CDKAL1: variants seen among roughly 807,000 people sequenced by gnomAD.
The protein encoded by CDKAL1 is CDKAL1 threonylcarbamoyladenosine tRNA methylthiotransferase, also known as threonylcarbamoyladenosine tRNA methylthiotransferase.
A neutral mutation model predicts 68.2 loss-of-function variants in CDKAL1; 32 were observed. The observed-to-expected ratio is 0.47, with a 90% confidence interval of 0.35 to 0.63. CDKAL1 has a LOEUF of 0.63. CDKAL1 is among the 30% of genes least tolerant of loss of function. The pLI is 0.00. For missense variants in CDKAL1, 606 were observed against 696.7 expected, an observed-to-expected ratio of 0.87 and a Z score of 1.47; for synonymous variants, 234 against 244.3, an observed-to-expected ratio of 0.96 and a Z score of 0.39.
chr6:21,051,592 T>A (rs1561990811), intron 11 of CDKAL1, among the ~76,000 whole-genome samples: 2 of 152,166 alleles, frequency 1.3e-5, no homozygotes, highest in Non-Finnish European at 2.9e-5. Flanking sequence ...ATTTTCCCCC[T>A]TTCTCATGAA....
chr6:20,598,630 C>T (rs547954404), intron 4 of CDKAL1, among the ~76,000 whole-genome samples: 115 of 152,100 alleles, frequency 7.6e-4, no homozygotes, highest in African/African-American at 2.6e-3. Flanking sequence ...ACATATGAAA[C>T]GAGGATCAAA....
chr6:21,204,245 C>G (rs114013285), intron 15 of CDKAL1, among the ~76,000 whole-genome samples: 2 of 152,032 alleles, frequency 1.3e-5, no homozygotes, highest in Non-Finnish European at 2.9e-5. Context: ...CAAGCATACA[C>G]GAAAGTAGAG....
chr6:21,020,366 A>G (rs2150859218), intron 11 of CDKAL1, among the ~76,000 whole-genome samples: 1 of 152,332 alleles, frequency 6.6e-6, no homozygotes, highest in South Asian at 2.1e-4. Context: ...AAATAGTCCC[A>G]TATCTTCAAC....
chr6:20,608,766 A>C (rs1179869773), intron 4 of CDKAL1, among the ~76,000 whole-genome samples: 1 of 152,110 alleles, frequency 6.6e-6, no homozygotes, highest in East Asian at 1.9e-4. Context: ...ATCTTTCTCT[A>C]CTCTTAGCAA....
At chr6:20,775,423 C>T (rs1775131459) in intron 7 of CDKAL1, among the ~76,000 whole-genome samples, 1 of 152,180 alleles carries the variant, frequency 6.6e-6, no homozygotes, top group South Asian at 2.1e-4. Context: ...ATTCTTTTTC[C>T]ATCACAGTGC....
intron 15 of CDKAL1, among the ~76,000 whole-genome samples, chr6:21,213,781 TCTC>T (rs1360437679): frequency 2.0e-5 from 3 of 152,212 alleles, no homozygotes; most frequent in East Asian, 1.9e-4. Context: ...ATTGTGTCTC[TCTC>T]CTCCTCAAAA....
Position 20,869,062 on chromosome 6 carries a change from T to A in CDKAL1, c.742+22884T>A, listed in dbSNP as rs575005579. On this transcript the variant is annotated intron_variant, in intron 9 of 15. Coordinates refer to ENST00000274695, the MANE Select transcript of CDKAL1 (RefSeq NM_017774.3). ...GGTAGATTCTCATTTTCTCATTAAT[T>A]CTTCTGTCCCCTAAGTCTGGGCTAC... Among the ~76,000 whole-genome samples, 15 of 152,320 alleles carry A rather than the reference T, an allele frequency of 9.8e-5. No homozygotes were observed. In the East Asian group the frequency reaches 2.9e-3, roughly 29 times the overall value.
At chr6:20,775,715 A>G (rs1461844526) in intron 7 of CDKAL1, among the ~76,000 whole-genome samples, 2 of 152,160 alleles carry the variant, frequency 1.3e-5, no homozygotes, top group Non-Finnish European at 2.9e-5. Context: ...TTTGTTTTAG[A>G]TGGCAGCAGT....
chr6:20,545,555 G>A (rs1312324909), intron 2 of CDKAL1, among the ~76,000 whole-genome samples: 1 of 152,052 alleles, frequency 6.6e-6, no homozygotes, highest in Non-Finnish European at 1.5e-5. Context: ...TCCTTCCTCA[G>A]CCTCCCAAGT....
chr6:20,806,142 C>A (rs1776562450), intron 8 of CDKAL1, among the ~76,000 whole-genome samples: 1 of 152,168 alleles, frequency 6.6e-6, no homozygotes. Context: ...CGCACATCCT[C>A]TACCCTCAAG....
intron 4 of CDKAL1, among the ~76,000 whole-genome samples, chr6:20,609,401 C>CTT (rs1168736535): frequency 1.4e-4 from 7 of 49,782 alleles, no homozygotes; most frequent in African/African-American, 4.1e-4. Context: ...TCTTCTTCTT[C>CTT]TTTTTTTTTT....
chr6:20,581,337 C>G (rs1765136565), intron 4 of CDKAL1, among the ~76,000 whole-genome samples: 1 of 152,128 alleles, frequency 6.6e-6, no homozygotes, highest in South Asian at 2.1e-4. Context: ...AGAGTCCATG[C>G]AATATACACT....
chr6:21,051,657 T>A (rs1770546688), intron 11 of CDKAL1, among the ~76,000 whole-genome samples: 1 of 152,180 alleles, frequency 6.6e-6, no homozygotes, highest in Admixed American at 6.5e-5. Flanking sequence ...ATGAAGTTGT[T>A]AACATATTGC....
intron 5 of CDKAL1, among the ~76,000 whole-genome samples, chr6:20,730,196 G>C (rs1772845209): frequency 6.6e-6 from 1 of 151,794 alleles, no homozygotes; most frequent in Non-Finnish European, 1.5e-5. Flanking sequence ...ATGGTGGCGT[G>C]TGCCTGTAGT....
chr6:20,983,635 C>T (rs1381165539), intron 10 of CDKAL1, among the ~76,000 whole-genome samples: 1 of 152,150 alleles, frequency 6.6e-6, no homozygotes, highest in Non-Finnish European at 1.5e-5. Flanking sequence ...GCAGGAGAAT[C>T]GCTTGAACCC....
chr6:21,180,864 A>G (rs1441510948), intron 13 of CDKAL1, among the ~76,000 whole-genome samples: 1 of 152,232 alleles, frequency 6.6e-6, no homozygotes, highest in Non-Finnish European at 1.5e-5. Context: ...CTTATGTGTT[A>G]GAAACTTGTC....
chr6:20,571,129 A>G (rs16883932), intron 4 of CDKAL1, among the ~76,000 whole-genome samples: 3,696 of 152,304 alleles, frequency 0.024, 151 homozygotes, highest in African/African-American at 0.081. Context: ...AGTAAGTACT[A>G]TAGGTGAAAG....
intron 13 of CDKAL1, among the ~76,000 whole-genome samples, chr6:21,138,337 A>G (rs1047252534): frequency 3.9e-5 from 6 of 152,174 alleles, no homozygotes; most frequent in Non-Finnish European, 7.3e-5. Context: ...TTAAATGCCC[A>G]TCCTTTCACA....
At chr6:20,736,126 C>T (rs1376928379) in intron 5 of CDKAL1, among the ~76,000 whole-genome samples, 1 of 145,644 alleles carries the variant, frequency 6.9e-6, no homozygotes. Context: ...ACAACTATTT[C>T]TTTTTTTTTT....
Sources: allele counts gnomAD v4.1 joint callset (sites outside exome capture counted in the v4.1 genomes callset), GRCh38; gene constraint gnomAD v4.1.1; transcripts MANE v1.5; gene names NCBI Gene and HGNC (gene_info 2026-07-23, HGNC 2026-07-21).